Variants in VWF observed in about 807,000 individuals in gnomAD.
The protein encoded by VWF is Factor VIII related antigen.
Under a neutral mutation model 308.6 loss-of-function variants are expected in VWF, and 176 were observed. That is an observed-to-expected ratio of 0.57 (90% CI 0.50 to 0.65). The LOEUF (loss-of-function observed/expected upper bound fraction) is 0.65. Among genes scored for constraint, VWF ranks in the 30% least tolerant of loss-of-function variants. The probability of loss-of-function intolerance (pLI) is 0.00; values close to 1 mark genes in which losing one functional copy is unlikely to be tolerated. For synonymous variants in VWF, 1,385 were observed against 1,443.4 expected (o/e 0.96, Z 0.92); for missense variants, 3,146 against 3,648.2 (o/e 0.86, Z 3.55).
chr12:6,111,678 C>A (rs1327545726), intron 3 of VWF, among the ~76,000 whole-genome samples: 1 of 151,928 alleles, frequency 6.6e-6, no homozygotes, highest in Non-Finnish European at 1.5e-5. Flanking sequence ...CGGTCGAGTG[C>A]GGTGGCTCAC....
At chr12:6,094,290 A>G (rs77536808) in intron 6 of VWF, among the ~76,000 whole-genome samples, 14,817 of 152,224 alleles carry the variant, frequency 0.097, 1,535 homozygotes, top group African/African-American at 0.26. Flanking sequence ...CATCCAAGCT[A>G]TGTCACTTCA....
At chr12:6,092,638 T>TGA (rs1565386761) in intron 6 of VWF, among the ~76,000 whole-genome samples, 2 of 99,374 alleles carry the variant, frequency 2.0e-5, no homozygotes, top group African/African-American at 1.8e-4. Flanking sequence ...TGTGTGTGTG[T>TGA]GTGTGTGTGT....
At chr12:6,104,779 A>G (rs1001502401) in intron 5 of VWF, among the ~76,000 whole-genome samples, 6 of 152,190 alleles carry the variant, frequency 3.9e-5, no homozygotes, top group Admixed American at 2.6e-4. Flanking sequence ...AGAAATCAAT[A>G]TATCAAAAAT....
At position 6,123,548 on chromosome 12, in the gene VWF, C is replaced by T. The variant is rs566383679; in HGVS notation, c.1-352G>A. Among the ~76,000 whole-genome samples, 135 of 152,318 alleles carry T rather than the reference C, an allele frequency of 8.9e-4. 1 individual carries two copies. The highest frequency in any genetic ancestry group is 3.1e-3 in the African/African-American group (129 of 41,574). On this transcript the variant is annotated intron_variant, in intron 1 of 51. Transcript: ENST00000261405. ...CTGGGAGCTAACACACACCTCATTC[C>T]TTCCTGCCTCTGCATCCAAACTGGC...
rs140203510 is a variant in VWF at position 6,105,285 on chromosome 12, G to A, written c.532+5089C>T. On this transcript the variant is annotated intron_variant, in intron 5 of 51. Transcript: ENST00000261405. ...GCTTTGTCACCCAGGCTAGAGTGCA[G>A]TGGGGCGATCTCGGCTCATTGCAAC... Among the ~76,000 whole-genome samples, 137 of 152,272 alleles carry A rather than the reference G, an allele frequency of 9.0e-4. 2 individuals carry two copies. In the East Asian group the frequency reaches 0.025, roughly 28 times the overall value.
Position 6,029,354 on chromosome 12 carries a change from C to T in VWF, c.2955G>A (p.Lys985=). ...DRHLSISVVL[K]QTYQEKVCGL... is the part of the protein sequence containing the mutation. The stretch of plus-strand genomic sequence containing the variant: ...GAAAGCCACTGACCTGGTATGTCTG[C>T]TTCAGGACCACGGAGATGCTCAGGT... Residue 985 remains lysine (K), a synonymous_variant, in exon 22 of 52, where the codon AAG becomes AAA. Transcript: ENST00000261405. The T allele has an allele frequency of 6.2e-7, 1 of 1,614,140 alleles. No individual in the cohort carries two copies. The highest frequency in any genetic ancestry group is 2.2e-5 in the East Asian group (1 of 44,882).
In VWF at chr12:5,981,884, T is replaced by G. The variant is rs1943610133; in HGVS notation, c.7189A>C (p.Asn2397His). ...CAGCTCACTGTGGAGTTGACACAGTTGCAGGCACACTCATACTCATCACAG... is the reference window on the plus strand; with the variant it reads ...CAGCTCACTGTGGAGTTGACACAGTGGCAGGCACACTCATACTCATCACAG... ...QCCDEYECAC[N>H]CVNSTVSCPL... is the part of the protein sequence containing the mutation. Residue 2397 changes from asparagine (N) to histidine (H), a missense_variant, in exon 42 of 52, where the codon AAC becomes CAC. By Grantham distance (68) the Asn-to-His change is moderately conservative. This residue lies in a region of VWF where 989 missense variants were observed against 1,117.4 expected (regional missense o/e 0.89). Coordinates refer to ENST00000261405, the MANE Select transcript of VWF (RefSeq NM_000552.5). 2.5e-6 allele frequency: 4 copies of G among 1,611,956 alleles called. No homozygotes were observed. Among genetic ancestry groups the G allele is most frequent in the Non-Finnish European group, 3.4e-6 (4 of 1,179,542 alleles).
intron 34 of VWF, among the ~76,000 whole-genome samples, chr12:5,998,643 A>T (rs1363923318): frequency 6.6e-6 from 1 of 151,024 alleles, no homozygotes; most frequent in Non-Finnish European, 1.5e-5. Context: ...GAACAATAAG[A>T]ACAAATTAAA....
rs548358404 is a variant in VWF, at chr12:6,121,037, AG to A, written c.220+136del. 1.9e-4 allele frequency: 228 copies of A among 1,221,222 alleles called. No individual in the cohort carries two copies. In the East Asian group the frequency reaches 4.5e-3, roughly 24 times the overall value. 75.6% of individuals were successfully genotyped at this position (1,221,222 alleles called of 1,614,324 possible). ...CCAAGAGGGGCTACGTGTCACAGAA[AG>A]GCTGTTCCTCTCCTTGTTCTCAGCA... On this transcript the variant is annotated intron_variant, in intron 3 of 51. Coordinates refer to ENST00000261405, the MANE Select transcript of VWF (RefSeq NM_000552.5).
At chr12:6,044,261 C>A (rs1298149597) in intron 18 of VWF, 30 bp downstream of exon 18, 1 of 1,613,146 alleles carries the variant, frequency 6.2e-7, no homozygotes, top group South Asian at 1.1e-5. Context: ...AACTGAAGGG[C>A]AGGCACCAGC....
chr12:6,103,486 A>ACACATATG (rs1316651935), intron 5 of VWF, among the ~76,000 whole-genome samples: 1 of 142,108 alleles, frequency 7.0e-6, no homozygotes, highest in African/African-American at 2.9e-5. Context: ...GTATATACAT[A>ACACATATG]TATGTGTATA....
rs756349406 is a variant in VWF, at chr12:6,075,733, G to A, written c.658-182C>T. On this transcript the variant is annotated intron_variant, in intron 6 of 51. Coordinates refer to ENST00000261405, the MANE Select transcript of VWF (RefSeq NM_000552.5). The surrounding 1 kb of genome is among the most constrained non-coding windows in gnomAD (Gnocchi z 4.7). ...CGACCAAGGAAAAGATGCTGGACCC[G>A]TGCAATGTGAAGTAGACCAAGGCTA... Among the ~76,000 whole-genome samples, 8 of 152,238 alleles carry A rather than the reference G, an allele frequency of 5.3e-5. No homozygotes were observed. Among genetic ancestry groups the A allele is most frequent in the Non-Finnish European group, 1.0e-4 (7 of 68,054 alleles).
intron 3 of VWF, among the ~76,000 whole-genome samples, chr12:6,116,295 G>A (rs945952584): frequency 1.3e-5 from 2 of 152,228 alleles, no homozygotes; most frequent in African/African-American, 4.8e-5. Flanking sequence ...CGCTGAGTGA[G>A]GAGTAAGCTC....
chr12:5,994,658 A>G (rs145612962), intron 35 of VWF, 51 bp from the exon 36 acceptor site: 306 of 1,576,906 alleles, frequency 1.9e-4, no homozygotes, highest in Non-Finnish European at 2.5e-4. Context: ...GAGGAATCCT[A>G]GGTTTTTAGG....
In VWF at chr12:6,019,475, G is replaced by T; in HGVS notation, c.3943C>A (p.Arg1315Ser). Residue 1315 changes from arginine (R) to serine (S), a missense_variant, in exon 28 of 52, where the codon CGC (arginine) becomes AGC (serine). By Grantham distance (110) the Arg-to-Ser change is moderately radical (BLOSUM62 -1). Around this residue, in one of 3 missense-constraint regions of VWF, gnomAD observed 853 missense variants for 1,177.8 expected, o/e 0.72. Transcript: ENST00000261405. The surrounding 1 kb of genome is among the most constrained non-coding windows in gnomAD (Gnocchi z 5.8). ...ERLRISQKWV[R>S]VAVVEYHDGS... Reference sequence around the variant, plus strand: ...TCGTGGTACTCCACCACGGCCACGCGGACCCACTTCTGGGAGATGCGCAGC... The same window carrying T: ...TCGTGGTACTCCACCACGGCCACGCTGACCCACTTCTGGGAGATGCGCAGC... 6.2e-7 allele frequency: 1 copy of T among 1,613,892 alleles called. No homozygotes were observed. Among genetic ancestry groups the T allele is most frequent in the South Asian group, 1.1e-5 (1 of 91,078 alleles).
In VWF at chr12:6,065,244, A is replaced by G. The variant is rs780724123; in HGVS notation, c.1186T>C (p.Phe396Leu). 6 of 1,614,178 alleles carry G rather than the reference A, an allele frequency of 3.7e-6. No individual in the cohort carries two copies. The highest frequency in any genetic ancestry group is 5.1e-6 in the Non-Finnish European group (6 of 1,180,036). Residue 396 changes from phenylalanine to leucine, a missense_variant, in exon 11 of 52, where the codon TTC becomes CTC. Physicochemically the swap from Phe to Leu is conservative, Grantham distance 22 (BLOSUM62 0). Coordinates refer to ENST00000261405, the MANE Select transcript of VWF (RefSeq NM_000552.5). ...AAGTATCTGTTGTCAAAGCTCTTGAAGTGTGATTGACCTGTGACAAGGCAC... is the reference window on the plus strand; with the variant it reads ...AAGTATCTGTTGTCAAAGCTCTTGAGGTGTGATTGACCTGTGACAAGGCAC... ...GECLVTGQSHFKSFDNRYFTF... is the reference protein window; with the variant it reads ...GECLVTGQSHLKSFDNRYFTF...
At chr12:6,114,423 G>C (rs1945342729) in intron 3 of VWF, among the ~76,000 whole-genome samples, 1 of 152,214 alleles carries the variant, frequency 6.6e-6, no homozygotes, top group Admixed American at 6.5e-5. Context: ...AGTTTGTAAA[G>C]TAAGGCCTGC....
chr12:6,018,914 C>T lies in VWF; in HGVS notation c.4504G>A (p.Val1502Ile), dbSNP rs774879567. The T allele has an allele frequency of 4.6e-5, 74 of 1,613,814 alleles. No homozygotes were observed. The highest frequency in any genetic ancestry group is 5.3e-5 in the Non-Finnish European group (62 of 1,179,868). Residue 1502 changes from valine (V) to isoleucine (I), a missense_variant, in exon 28 of 52, where the codon GTC becomes ATC. This residue lies in a region of VWF where 853 missense variants were observed against 1,177.8 expected (regional missense o/e 0.72). Coordinates refer to ENST00000261405, the MANE Select transcript of VWF (RefSeq NM_000552.5). Reference sequence around the variant, plus strand: ...CCAATTTTGTCCGATCCTTCCAGGACGAACGCCACATCCAGAACCATGGAG... The same window carrying T: ...CCAATTTTGTCCGATCCTTCCAGGATGAACGCCACATCCAGAACCATGGAG... ...RNSMVLDVAFVLEGSDKIGEA... is the reference protein window; with the variant it reads ...RNSMVLDVAFILEGSDKIGEA...
intron 6 of VWF, among the ~76,000 whole-genome samples, chr12:6,080,007 C>T (rs1340723212): frequency 6.6e-6 from 1 of 152,114 alleles, no homozygotes; most frequent in East Asian, 1.9e-4. Context: ...ATCCCATCTG[C>T]CCTCCTGCAT....
Sources: allele counts gnomAD v4.1 joint callset (sites outside exome capture counted in the v4.1 genomes callset), GRCh38; gene constraint gnomAD v4.1.1; regional missense constraint gnomAD v4.1.1; non-coding constraint Gnocchi (gnomAD v3.1); transcripts MANE v1.5; gene names NCBI Gene and HGNC (gene_info 2026-07-23, HGNC 2026-07-21).